The following RNF214 variants were observed in gnomAD, a reference collection of about 807,000 sequenced individuals.
RNF214 encodes the protein ring finger protein 214.
Under a neutral mutation model 75.9 loss-of-function variants are expected in RNF214, and 25 were observed. The ratio of observed to expected loss-of-function variants is 0.33; its 90% CI spans 0.24 to 0.46. The LOEUF (loss-of-function observed/expected upper bound fraction) is 0.46. RNF214 is among the 20% of genes least tolerant of loss of function. RNF214 has a pLI of 1.00. For missense variants in RNF214, 725 were observed against 857.5 expected, an observed-to-expected ratio of 0.85 and a Z score of 1.93; for synonymous variants, 314 against 308.8, an observed-to-expected ratio of 1.02 and a Z score of -0.18.
At chr11:117,269,692 C>T (rs965890784) in intron 6 of RNF214, among the ~76,000 whole-genome samples, 2 of 152,218 alleles carry the variant, frequency 1.3e-5, no homozygotes, top group African/African-American at 2.4e-5. Flanking sequence ...TGTCTTATGC[C>T]TGTTGTTTCC....
At chr11:117,275,083 A>G (rs1289156600) in intron 6 of RNF214, among the ~76,000 whole-genome samples, 2 of 152,232 alleles carry the variant, frequency 1.3e-5, no homozygotes, top group Non-Finnish European at 2.9e-5. Flanking sequence ...CCCTAGCAGT[A>G]TAAAACTAGA....
intron 2 of RNF214, among the ~76,000 whole-genome samples, chr11:117,237,105 G>T (rs2032931502): frequency 6.6e-6 from 1 of 151,956 alleles, no homozygotes; most frequent in Non-Finnish European, 1.5e-5. Context: ...ATTGAGACAG[G>T]GTCTCCATCT....
intron 6 of RNF214, among the ~76,000 whole-genome samples, chr11:117,256,524 C>T (rs1046589789): frequency 6.6e-6 from 1 of 152,136 alleles, no homozygotes; most frequent in Non-Finnish European, 1.5e-5. Flanking sequence ...AAGCTGAGCT[C>T]AGCTGGAACA....
At chr11:117,241,867 T>G (rs1231405946) in intron 4 of RNF214, among the ~76,000 whole-genome samples, 1 of 152,212 alleles carries the variant, frequency 6.6e-6, no homozygotes, top group Non-Finnish European at 1.5e-5. Context: ...AAAGTGATCT[T>G]GAGAACCATA....
chr11:117,249,010 C>T lies in RNF214; in HGVS notation c.959+2062C>T, dbSNP rs528691188. ...GCAATCTCGGCTCATGCAAGCTCCA[C>T]CTCCCGGGTTCAAGTGATTCTTTTG... On this transcript the variant is annotated intron_variant, in intron 6 of 14. Transcript: ENST00000300650. 2.3e-4 allele frequency among the ~76,000 whole-genome samples: 35 copies of T among 152,230 alleles called. No individual in the cohort carries two copies. The South Asian group carries it at 6.2e-3, about 27-fold the overall frequency.
At chr11:117,235,470 A>G (rs1307144131) in intron 2 of RNF214, among the ~76,000 whole-genome samples, 2 of 146,866 alleles carry the variant, frequency 1.4e-5, no homozygotes, top group Non-Finnish European at 3.0e-5. Context: ...TGCTGGGATT[A>G]CAGGCGTGAG....
At chr11:117,280,463 C>T (rs1035705833) in intron 8 of RNF214, among the ~76,000 whole-genome samples, 17 of 152,154 alleles carry the variant, frequency 1.1e-4, no homozygotes, top group Admixed American at 3.3e-4. Context: ...TTCCCTGCTA[C>T]AGTTTTATAG....
intron 6 of RNF214, among the ~76,000 whole-genome samples, chr11:117,264,186 G>T (rs532564544): frequency 1.3e-3 from 198 of 152,276 alleles, no homozygotes; most frequent in Non-Finnish European, 2.2e-3. Flanking sequence ...AGCCGGTCGT[G>T]GTGGCGGGCG....
At chr11:117,261,164 T>C (rs2033653460) in intron 6 of RNF214, among the ~76,000 whole-genome samples, 3 of 152,230 alleles carry the variant, frequency 2.0e-5, no homozygotes, top group African/African-American at 7.2e-5. Flanking sequence ...AGTTTGATGC[T>C]GACTATAGGT....
At position 117,246,305 on chromosome 11, in the gene RNF214, G is replaced by T. The variant is rs2033223900; in HGVS notation, c.820-504G>T. Reference sequence around the variant, plus strand: ...TAAAAAAAAAAAAAAGTGTGCGTTTGTACATATGTATATCTGTGTGTATAT... The same window carrying T: ...TAAAAAAAAAAAAAAGTGTGCGTTTTTACATATGTATATCTGTGTGTATAT... On this transcript the variant is annotated intron_variant, in intron 5 of 14. Coordinates refer to ENST00000300650, the MANE Select transcript of RNF214 (RefSeq NM_207343.4). Among the ~76,000 whole-genome samples, 5 of 151,420 alleles carry T rather than the reference G, an allele frequency of 3.3e-5. No homozygotes were observed. The South Asian group carries it at 1.0e-3, about 31-fold the overall frequency.
At chr11:117,272,646 C>A (rs2033937547) in intron 6 of RNF214, among the ~76,000 whole-genome samples, 1 of 150,086 alleles carries the variant, frequency 6.7e-6, no homozygotes, top group African/African-American at 2.5e-5. Flanking sequence ...AAATGGCTTT[C>A]CTGGTAGGCA....
At chr11:117,254,763 A>C (rs1432014518) in intron 6 of RNF214, among the ~76,000 whole-genome samples, 1 of 151,976 alleles carries the variant, frequency 6.6e-6, no homozygotes, top group Admixed American at 6.6e-5. Context: ...AGCTGGGATT[A>C]CAGGCACCCA....
intron 6 of RNF214, among the ~76,000 whole-genome samples, chr11:117,247,201 C>G (rs73580342): frequency 6.6e-6 from 1 of 152,048 alleles, no homozygotes; most frequent in Non-Finnish European, 1.5e-5. Context: ...GTCAAGAGTT[C>G]GATACGGGCT....
intron 6 of RNF214, among the ~76,000 whole-genome samples, chr11:117,274,071 G>A (rs568049139): frequency 2.0e-5 from 3 of 152,260 alleles, no homozygotes; most frequent in South Asian, 4.1e-4. Flanking sequence ...AGAGCAAGCT[G>A]ACCTCATGAT....
At chr11:117,250,928 G>A (rs1238962305) in intron 6 of RNF214, among the ~76,000 whole-genome samples, 1 of 145,526 alleles carries the variant, frequency 6.9e-6, no homozygotes, top group Non-Finnish European at 1.5e-5. Context: ...CACAGGGTTG[G>A]GGGTAAGGTC....
chr11:117,265,711 G>GGC (rs2033782285), intron 6 of RNF214, among the ~76,000 whole-genome samples: 1 of 152,068 alleles, frequency 6.6e-6, no homozygotes, highest in Non-Finnish European at 1.5e-5. Flanking sequence ...CACCGCGCCT[G>GGC]GCCATCTCTT....
At chr11:117,270,753 T>C (rs4936369) in intron 6 of RNF214, among the ~76,000 whole-genome samples, 25,645 of 152,042 alleles carry the variant, frequency 0.17, 2,158 homozygotes, top group South Asian at 0.2. Context: ...CAGCCTAATT[T>C]ATTTTTATTT....
intron 5 of RNF214, among the ~76,000 whole-genome samples, 162 bp downstream of exon 5, chr11:117,244,747 CCT>C (rs970685097): frequency 6.6e-6 from 1 of 151,866 alleles, no homozygotes; most frequent in Non-Finnish European, 1.5e-5. Context: ...CTCACTGCAG[CCT>C]CTGTCTCCTG....
chr11:117,250,449 G>A (rs116060081), intron 6 of RNF214, among the ~76,000 whole-genome samples: 145 of 152,062 alleles, frequency 9.5e-4, no homozygotes, highest in African/African-American at 3.3e-3. Context: ...TTATGACATT[G>A]TTTCATTATG....
Sources: allele counts gnomAD v4.1 joint callset (sites outside exome capture counted in the v4.1 genomes callset), GRCh38; gene constraint gnomAD v4.1.1; transcripts MANE v1.5; gene names NCBI Gene and HGNC (gene_info 2026-07-23, HGNC 2026-07-21).